Variants in PHACTR2 observed in about 807,000 individuals in gnomAD.
The protein encoded by PHACTR2 is phosphatase and actin regulator 2, also known as chromosome 6 open reading frame 56.
A neutral mutation model predicts 76.0 loss-of-function variants in PHACTR2; 30 were observed. The ratio of observed to expected loss-of-function variants is 0.39; its 90% CI spans 0.30 to 0.54. The LOEUF is 0.54. Ranked by LOEUF, PHACTR2 falls within the 20% of genes least tolerant of loss-of-function variation. The pLI is 0.61. For synonymous variants in PHACTR2, 292 were observed against 292.5 expected (o/e 1.00, Z 0.02); for missense variants, 696 against 781.1 (o/e 0.89, Z 1.30).
In PHACTR2 at chr6:143,767,594, C is replaced by T. The variant is rs569757352; in HGVS notation, c.1232+1796C>T. Among the ~76,000 whole-genome samples the T allele has an allele frequency of 6.6e-6, 1 of 152,202 alleles. No homozygotes were observed. Among genetic ancestry groups the T allele is most frequent in the South Asian group, 2.1e-4 (1 of 4,824 alleles). On this transcript the variant is annotated intron_variant, in intron 6 of 12. Transcript: ENST00000440869. The surrounding 1 kb of genome is among the most constrained non-coding windows in gnomAD (Gnocchi z 4.4). Reference sequence around the variant, plus strand: ...TAATTTATAATGATTAGAATATTGGCTTACAGTCCTAGGGGCTGAGAAGTC... The same window carrying T: ...TAATTTATAATGATTAGAATATTGGTTTACAGTCCTAGGGGCTGAGAAGTC...
chr6:143,630,687 A>C (rs993638704), intron 1 of PHACTR2, among the ~76,000 whole-genome samples: 1 of 152,230 alleles, frequency 6.6e-6, no homozygotes, highest in Admixed American at 6.5e-5. Flanking sequence ...TTGAAACTGA[A>C]CAGAGCAGGT....
intron 1 of PHACTR2, among the ~76,000 whole-genome samples, chr6:143,579,905 C>G (rs972547733): frequency 7.9e-5 from 12 of 152,194 alleles, no homozygotes; most frequent in Non-Finnish European, 1.0e-4. Context: ...CAGTCATCTC[C>G]TGGCTCTGCC....
At position 143,549,274 on chromosome 6, in the gene PHACTR2, A is replaced by G. The variant is rs901798150; in HGVS notation, c.217+12067A>G. On this transcript the variant is annotated intron_variant, in intron 1 of 11. Transcript: ENST00000367584. The surrounding 1 kb of genome is among the most constrained non-coding windows in gnomAD (Gnocchi z 4.2). ...CTCTTCCCAAATGGAACAATATGGTAGTGAGGCCAGTTCAAACCCTTGCTT... is the reference window on the plus strand; with the variant it reads ...CTCTTCCCAAATGGAACAATATGGTGGTGAGGCCAGTTCAAACCCTTGCTT... Among the ~76,000 whole-genome samples, 1 of 152,056 alleles carries G rather than the reference A, an allele frequency of 6.6e-6. No homozygotes were observed. The highest frequency in any genetic ancestry group is 1.5e-5 in the Non-Finnish European group (1 of 67,972).
intron 2 of PHACTR2, among the ~76,000 whole-genome samples, chr6:143,720,228 T>A (rs1441418447): frequency 2.6e-5 from 4 of 152,182 alleles, no homozygotes; most frequent in Non-Finnish European, 5.9e-5. Context: ...TCTCATAGAT[T>A]TTAGTGACAT....
Position 143,823,634 on chromosome 6 carries a change from T to C in PHACTR2, c.1923-40T>C. Reference sequence around the variant, plus strand: ...TCAGCTCACTGCATGCAGAATGTGCTCCTAGGCCACAGGCTTATAGTTTCT... The same window carrying C: ...TCAGCTCACTGCATGCAGAATGTGCCCCTAGGCCACAGGCTTATAGTTTCT... On this transcript the variant is annotated intron_variant, in intron 12 of 12. Coordinates refer to ENST00000440869, the MANE Select transcript of PHACTR2 (RefSeq NM_001100164.2). This position sits in a 1 kb window ranked among gnomAD's most constrained non-coding sequence, Gnocchi z 5.7. 1.9e-6 allele frequency: 3 copies of C among 1,584,542 alleles called. No individual in the cohort carries two copies. The highest frequency in any genetic ancestry group is 2.6e-6 in the Non-Finnish European group (3 of 1,153,854).
At chr6:143,728,185 GTTC>G (rs1307448055) in intron 2 of PHACTR2, among the ~76,000 whole-genome samples, 11 of 107,496 alleles carry the variant, frequency 1.0e-4, no homozygotes, top group African/African-American at 3.1e-4. Context: ...TCGTTCTTTT[GTTC>G]TTCTTTCTTT....
At position 143,780,755 on chromosome 6, in the gene PHACTR2, C is replaced by A. The variant is rs188167850; in HGVS notation, c.1646-2464C>A. Among the ~76,000 whole-genome samples, 39 of 152,334 alleles carry A rather than the reference C, an allele frequency of 2.6e-4. No individual in the cohort carries two copies. The highest frequency in any genetic ancestry group is 4.9e-4 in the Non-Finnish European group (33 of 68,040). On this transcript the variant is annotated intron_variant, in intron 9 of 12. Transcript: ENST00000440869. This position sits in a 1 kb window ranked among gnomAD's most constrained non-coding sequence, Gnocchi z 4.4. ...CGTCCGAAATGTTCGCCCCTCTCTG[C>A]TCTGATGAGAGTCACTGAGAGCAAG... is the stretch of plus-strand genomic sequence containing the variant.
intron 1 of PHACTR2, among the ~76,000 whole-genome samples, chr6:143,573,005 A>G (rs1007006920): frequency 6.6e-6 from 1 of 152,268 alleles, no homozygotes; most frequent in African/African-American, 2.4e-5. Context: ...TTTACTTTCT[A>G]ATTTGAAATA....
chr6:143,644,018 TC>T (rs1776612108), intron 1 of PHACTR2, among the ~76,000 whole-genome samples: 1 of 152,222 alleles, frequency 6.6e-6, no homozygotes, highest in African/African-American at 2.4e-5. Context: ...AATATTTTTC[TC>T]GTTAAAAAAG....
intron 1 of PHACTR2, among the ~76,000 whole-genome samples, chr6:143,545,074 G>T: frequency 6.6e-6 from 1 of 151,982 alleles, no homozygotes; most frequent in Non-Finnish European, 1.5e-5. Flanking sequence ...CTCCTGAATA[G>T]CTGGGACTAC....
intron 10 of PHACTR2, among the ~76,000 whole-genome samples, chr6:143,788,437 G>T (rs902003067): frequency 3.3e-5 from 5 of 152,106 alleles, no homozygotes; most frequent in African/African-American, 9.7e-5. Context: ...CTGTATCTGG[G>T]TTACTATTGT....
At position 143,581,676 on chromosome 6, in the gene PHACTR2, C is replaced by T. The variant is rs11155303; in HGVS notation, c.217+44469C>T. Among the ~76,000 whole-genome samples, 1,815 of 152,070 alleles carry T rather than the reference C, an allele frequency of 0.012. 41 individuals carry two copies. The highest frequency in any genetic ancestry group is 0.041 in the African/African-American group (1,711 of 41,462). On this transcript the variant is annotated intron_variant, in intron 1 of 11. Transcript: ENST00000367584. The surrounding 1 kb of genome is among the most constrained non-coding windows in gnomAD (Gnocchi z 4.5). ...GAAACCCTGTCTCTACCAAAAAATA[C>T]GAACATTAGCTGGACATGGTGGTGG...
rs1459814984 is a variant in PHACTR2, at chr6:143,599,169, A to G, written c.217+61962A>G. Among the ~76,000 whole-genome samples the G allele has an allele frequency of 6.6e-6, 1 of 152,202 alleles. No homozygotes were observed. The highest frequency in any genetic ancestry group is 2.4e-5 in the African/African-American group (1 of 41,454). On this transcript the variant is annotated intron_variant, in intron 1 of 11. Transcript: ENST00000367584. This position sits in a 1 kb window ranked among gnomAD's most constrained non-coding sequence, Gnocchi z 4.6. ...CAATGAAGTCCTGGATAAGGAGACA[A>G]AAGCAGAATGGTGAAAAAGAATCAT... is the stretch of plus-strand genomic sequence containing the variant.
In PHACTR2 at chr6:143,753,724, A is replaced by G; in HGVS notation, c.296-30A>G. ...TTGTTTTTAAGAAAGCCAGCAAGTT[A>G]GACATCTAGGTGTTTCTTTCCCATT... On this transcript the variant is annotated intron_variant, in intron 3 of 12. Transcript: ENST00000440869. This position sits in a 1 kb window ranked among gnomAD's most constrained non-coding sequence, Gnocchi z 4.6. The G allele has an allele frequency of 6.5e-7, 1 of 1,528,426 alleles. No homozygotes were observed. The highest frequency in any genetic ancestry group is 8.8e-7 in the Non-Finnish European group (1 of 1,133,196). 94.7% of individuals were successfully genotyped at this position (1,528,426 alleles called of 1,614,324 possible). A position where few individuals can be genotyped will look rare whatever the true frequency, so the allele number is the denominator to read the frequency against.
At chr6:143,567,277 T>C (rs1226158079) in intron 1 of PHACTR2, among the ~76,000 whole-genome samples, 1 of 152,222 alleles carries the variant, frequency 6.6e-6, no homozygotes, top group Non-Finnish European at 1.5e-5. Context: ...GCAAAATTCA[T>C]GGTTCCCTCC....
intron 1 of PHACTR2, among the ~76,000 whole-genome samples, chr6:143,651,059 A>G (rs1017118722): frequency 5.3e-5 from 8 of 152,194 alleles, no homozygotes; most frequent in Admixed American, 4.6e-4. Context: ...TAAAAAAGAT[A>G]TATATGCAGC....
chr6:143,768,397 A>G (rs1259431761), intron 6 of PHACTR2, among the ~76,000 whole-genome samples: 3 of 152,212 alleles, frequency 2.0e-5, no homozygotes, highest in Admixed American at 2.0e-4. Context: ...TTTTACCAAA[A>G]TATTGTCTGA....
intron 9 of PHACTR2, among the ~76,000 whole-genome samples, chr6:143,781,463 A>G (rs1562305226): frequency 6.6e-6 from 1 of 152,268 alleles, no homozygotes; most frequent in African/African-American, 2.4e-5. Context: ...CCTTAAAAAT[A>G]TAGCATAAAT....
Position 143,777,274 on chromosome 6 carries a change from T to C in PHACTR2, c.1590-54T>C, listed in dbSNP as rs1775304754. The C allele has an allele frequency of 1.1e-6, 1 of 898,662 alleles. No individual in the cohort carries two copies. Among genetic ancestry groups the C allele is most frequent in the Non-Finnish European group, 1.8e-6 (1 of 556,864 alleles). 55.7% of individuals were successfully genotyped at this position (898,662 alleles called of 1,614,324 possible). A position where few individuals can be genotyped will look rare whatever the true frequency, so the allele number is the denominator to read the frequency against. The stretch of plus-strand genomic sequence containing the variant: ...GAGCTTTGTTGTTTTATTCTGAGTC[T>C]CCTACTAGGGTACCTTGTTTTTAAC... On this transcript the variant is annotated intron_variant, in intron 8 of 12. Coordinates refer to ENST00000440869, the MANE Select transcript of PHACTR2 (RefSeq NM_001100164.2). The surrounding 1 kb of genome is among the most constrained non-coding windows in gnomAD (Gnocchi z 4.6).
Sources: allele counts gnomAD v4.1 joint callset (sites outside exome capture counted in the v4.1 genomes callset), GRCh38; gene constraint gnomAD v4.1.1; non-coding constraint Gnocchi (gnomAD v3.1); transcripts MANE v1.5; gene names NCBI Gene and HGNC (gene_info 2026-07-23, HGNC 2026-07-21).